IPO5: variants seen among roughly 807,000 people sequenced by gnomAD.
The protein encoded by IPO5 is importin-5.
A neutral mutation model predicts 143.3 loss-of-function variants in IPO5; 18 were observed. The ratio of observed to expected loss-of-function variants is 0.13; its 90% CI spans 0.09 to 0.19. The LOEUF is 0.19. Among genes scored for constraint, IPO5 ranks in the 10% least tolerant of loss-of-function variants. The pLI, the probability that IPO5 is intolerant of heterozygous loss-of-function variation, is 1.00. For missense variants in IPO5, 1,013 were observed against 1,336.9 expected, an observed-to-expected ratio of 0.76 and a Z score of 3.78; for synonymous variants, 477 against 465.7, an observed-to-expected ratio of 1.02 and a Z score of -0.31.
chr13:97,995,757 AAAT>A (rs796361663), intron 11 of IPO5, among the ~76,000 whole-genome samples: 10 of 151,674 alleles, frequency 6.6e-5, no homozygotes, highest in East Asian at 3.9e-4. Flanking sequence ...TCTGTCTCAA[AAAT>A]AATAATAATA....
intron 4 of IPO5, among the ~76,000 whole-genome samples, chr13:97,980,128 A>G (rs1405450436): frequency 6.6e-6 from 1 of 152,254 alleles, no homozygotes; most frequent in Non-Finnish European, 1.5e-5. Flanking sequence ...GACTAGTGCT[A>G]GGAATAGTAT....
chr13:98,018,830 C>T (rs1180003492), intron 26 of IPO5, 126 bp downstream of exon 26: 2 of 649,604 alleles, frequency 3.1e-6, no homozygotes, highest in Non-Finnish European at 5.3e-6. Context: ...TCAGACATCT[C>T]ATCTGTAGCA....
At chr13:98,006,457 C>T in intron 17 of IPO5, 109 bp downstream of exon 17, 1 of 647,430 alleles carries the variant, frequency 1.5e-6, no homozygotes, top group Non-Finnish European at 2.4e-6. Context: ...TCACTGCAAA[C>T]TCTGCCTCCC....
chr13:97,980,639 C>A (rs1161023765), intron 4 of IPO5, among the ~76,000 whole-genome samples: 4 of 151,320 alleles, frequency 2.6e-5, no homozygotes, highest in Non-Finnish European at 5.9e-5. Context: ...ACCAGCCTGG[C>A]CAAGATGGTG....
Position 97,983,491 on chromosome 13 carries a change from T to C in IPO5, c.171+908T>C, listed in dbSNP as rs559371764. On this transcript the variant is annotated intron_variant, in intron 5 of 28. Coordinates refer to ENST00000651721, the MANE Select transcript of IPO5 (RefSeq NM_002271.6). ...GTAAAAACAAGGCTATTTCCTAGGA[T>C]TTTATAGTTTCCTACTACTGATTGA... Among the ~76,000 whole-genome samples the C allele has an allele frequency of 5.3e-5, 8 of 151,928 alleles. No homozygotes were observed. In the South Asian group the frequency reaches 1.5e-3, roughly 28 times the overall value.
Position 97,993,474 on chromosome 13 carries a change from G to T in IPO5, c.913+249G>T, listed in dbSNP as rs1327426679. ...AACATTTCTAGAGTGGAGTGTGACAGACTCTATCATTTATATGTTAATATT... is the reference window on the plus strand; with the variant it reads ...AACATTTCTAGAGTGGAGTGTGACATACTCTATCATTTATATGTTAATATT... On this transcript the variant is annotated intron_variant, in intron 11 of 28. Coordinates refer to ENST00000651721, the MANE Select transcript of IPO5 (RefSeq NM_002271.6). 3.9e-5 allele frequency among the ~76,000 whole-genome samples: 6 copies of T among 152,178 alleles called. No individual in the cohort carries two copies. In the East Asian group the frequency reaches 1.2e-3, roughly 29 times the overall value.
At chr13:97,968,699 T>C (rs1387321783) in intron 2 of IPO5, among the ~76,000 whole-genome samples, 2 of 152,260 alleles carry the variant, frequency 1.3e-5, no homozygotes, top group African/African-American at 4.8e-5. Context: ...TTTTGTTTTT[T>C]TGTCTTTTTG....
chr13:97,998,380 C>CT (rs1474525517), intron 12 of IPO5, among the ~76,000 whole-genome samples: 2 of 152,104 alleles, frequency 1.3e-5, no homozygotes, highest in Admixed American at 1.3e-4. Flanking sequence ...TATAAAGCAG[C>CT]TTTTTTGTGA....
At chr13:98,003,075 G>A (rs1439236295) in intron 16 of IPO5, 38 bp downstream of exon 16, 3 of 1,513,020 alleles carry the variant, frequency 2.0e-6, no homozygotes, top group Admixed American at 3.8e-5. Context: ...TCTGTTTGTA[G>A]ATTAATTTGG....
intron 11 of IPO5, among the ~76,000 whole-genome samples, chr13:97,993,756 A>G (rs1887990827): frequency 6.6e-6 from 1 of 152,208 alleles, no homozygotes; most frequent in Non-Finnish European, 1.5e-5. Context: ...AGGACTTGAG[A>G]ACTAACCTGA....
chr13:97,974,561 C>T (rs1886101478), intron 3 of IPO5, among the ~76,000 whole-genome samples: 1 of 151,906 alleles, frequency 6.6e-6, no homozygotes, highest in Admixed American at 6.6e-5. Flanking sequence ...CCGCCCACCT[C>T]GGCCCCCCAA....
At chr13:98,021,161 G>C in intron 28 of IPO5, 28 bp downstream of exon 28, 1 of 1,568,800 alleles carries the variant, frequency 6.4e-7, no homozygotes, top group Middle Eastern at 1.7e-4. Context: ...AATTGGGGAG[G>C]GGGAGATAAA....
chr13:97,961,524 T>C (rs1161966985), intron 2 of IPO5, among the ~76,000 whole-genome samples: 1 of 152,234 alleles, frequency 6.6e-6, no homozygotes, highest in African/African-American at 2.4e-5. Flanking sequence ...AAATTGGCTG[T>C]AACATTTTAT....
chr13:97,961,990 G>A (rs570319181), intron 2 of IPO5, among the ~76,000 whole-genome samples: 1 of 152,198 alleles, frequency 6.6e-6, no homozygotes, highest in South Asian at 2.1e-4. Flanking sequence ...TTAGCTGGGC[G>A]TGGGGGCGCA....
intron 3 of IPO5, among the ~76,000 whole-genome samples, chr13:97,970,941 G>GC (rs1885777937): frequency 6.6e-6 from 1 of 152,192 alleles, no homozygotes; most frequent in African/African-American, 2.4e-5. Context: ...TATCTATTAA[G>GC]CATTTACTCT....
chr13:97,980,887 T>C (rs561343715), intron 4 of IPO5, among the ~76,000 whole-genome samples: 1 of 152,080 alleles, frequency 6.6e-6, no homozygotes, highest in East Asian at 1.9e-4. Context: ...AATTTAAGTG[T>C]TAAACATTGA....
At chr13:97,995,613 G>A (rs537758313) in intron 11 of IPO5, among the ~76,000 whole-genome samples, 8 of 152,020 alleles carry the variant, frequency 5.3e-5, no homozygotes, top group East Asian at 1.9e-4. Context: ...AAAATTAGCC[G>A]GGCGTGGTGG....
intron 16 of IPO5, among the ~76,000 whole-genome samples, chr13:98,004,819 C>G (rs140806815): frequency 6.6e-6 from 1 of 152,030 alleles, no homozygotes. Flanking sequence ...GTGTAATTGA[C>G]GTGGGGAATT....
At chr13:97,956,139 A>AT (rs1343214950) in intron 2 of IPO5, among the ~76,000 whole-genome samples, 1 of 151,804 alleles carries the variant, frequency 6.6e-6, no homozygotes, top group Non-Finnish European at 1.5e-5. Flanking sequence ...GTCAAAAAAA[A>AT]AAAAACGAAC....
Sources: allele counts gnomAD v4.1 joint callset (sites outside exome capture counted in the v4.1 genomes callset), GRCh38; gene constraint gnomAD v4.1.1; transcripts MANE v1.5; gene names NCBI Gene and HGNC (gene_info 2026-07-23, HGNC 2026-07-21).